The following KDM4C variants were observed in gnomAD, a reference collection of about 807,000 sequenced individuals.
KDM4C encodes the protein lysine-specific demethylase 4C.
A neutral mutation model predicts 129.3 loss-of-function variants in KDM4C; 81 were observed. The ratio of observed to expected loss-of-function variants is 0.63; its 90% CI spans 0.52 to 0.75. The LOEUF is 0.75. Among genes scored for constraint, KDM4C ranks in the 30% least tolerant of loss-of-function variants. The pLI is 0.00. For synonymous variants in KDM4C, 573 were observed against 456.1 expected (o/e 1.26, Z -3.26); for missense variants, 1,457 against 1,304.0 (o/e 1.12, Z -1.81).
rs1317937058 is a variant in KDM4C at position 6,758,583 on chromosome 9, C to G, written c.-18+380C>G. The stretch of plus-strand genomic sequence containing the variant: ...GTGGCGGACTCCAGGAAGGCCGGGC[C>G]TGGTGCACCCCTCGGGGCCCTCCCT... On this transcript the variant is annotated intron_variant, in intron 1 of 21. Transcript: ENST00000381309. The surrounding 1 kb of genome is among the most constrained non-coding windows in gnomAD (Gnocchi z 4.6). 6.6e-6 allele frequency among the ~76,000 whole-genome samples: 1 copy of G among 152,204 alleles called. No individual in the cohort carries two copies. The highest frequency in any genetic ancestry group is 1.9e-4 in the East Asian group (1 of 5,190).
chr9:6,763,305 CT>C lies in KDM4C; in HGVS notation c.-18+5103del, dbSNP rs367625970. 2.6e-3 allele frequency among the ~76,000 whole-genome samples: 392 copies of C among 152,274 alleles called. 3 individuals carry two copies. Among genetic ancestry groups the C allele is most frequent in the African/African-American group, 8.9e-3 (369 of 41,556 alleles). The stretch of plus-strand genomic sequence containing the variant: ...GGTACTCTGCCCATGCTGTTGTTCC[CT>C]GTGCCTGGACTGCTACCCCAGTTGC... On this transcript the variant is annotated intron_variant, in intron 1 of 21. Coordinates refer to ENST00000381309, the MANE Select transcript of KDM4C (RefSeq NM_015061.6).
At chr9:6,995,901 C>T (rs949237650) in intron 12 of KDM4C, among the ~76,000 whole-genome samples, 1 of 150,312 alleles carries the variant, frequency 6.7e-6, no homozygotes, top group Non-Finnish European at 1.5e-5. Context: ...TCGATCTGAC[C>T]TCGTGATCTG....
In KDM4C at chr9:6,807,109, C is replaced by G. The variant is rs753335391; in HGVS notation, c.320+1335C>G. Among the ~76,000 whole-genome samples, 1,288 of 152,028 alleles carry G rather than the reference C, an allele frequency of 8.5e-3. 11 individuals carry two copies. The highest frequency in any genetic ancestry group is 0.014 in the South Asian group (68 of 4,826). On this transcript the variant is annotated intron_variant, in intron 3 of 21. Transcript: ENST00000381309. ...TTCGCTGTGTTGGCCGGGCCGGTCT[C>G]CAGCCCCTAACCGCGAGTGATCCGC...
chr9:7,008,765 A>T (rs1053483863), intron 12 of KDM4C, among the ~76,000 whole-genome samples: 1 of 152,190 alleles, frequency 6.6e-6, no homozygotes, highest in East Asian at 1.9e-4. Flanking sequence ...CAACCCCATG[A>T]ACCCAGGTAC....
At chr9:6,759,847 A>C (rs1411376651) in intron 1 of KDM4C, among the ~76,000 whole-genome samples, 1 of 151,710 alleles carries the variant, frequency 6.6e-6, no homozygotes, top group South Asian at 2.1e-4. Context: ...CAGCTGAGGC[A>C]AGAGAATCAC....
intron 19 of KDM4C, among the ~76,000 whole-genome samples, chr9:7,133,145 A>G (rs906090611): frequency 3.3e-5 from 5 of 152,230 alleles, no homozygotes; most frequent in African/African-American, 4.8e-5. Flanking sequence ...TGAAAGGAGC[A>G]AATAAACTAA....
chr9:6,891,284 A>G (rs973891337), intron 7 of KDM4C, among the ~76,000 whole-genome samples: 2 of 152,244 alleles, frequency 1.3e-5, no homozygotes, highest in Non-Finnish European at 2.9e-5. Context: ...TGAATAAATA[A>G]GCAAGTGTGA....
intron 12 of KDM4C, among the ~76,000 whole-genome samples, chr9:7,000,731 C>G (rs750975697): frequency 1.3e-5 from 2 of 152,024 alleles, no homozygotes; most frequent in African/African-American, 2.4e-5. Flanking sequence ...TTTTTTCAAC[C>G]TGAACGCCAG....
At chr9:6,996,371 G>T (rs1055083834) in intron 12 of KDM4C, among the ~76,000 whole-genome samples, 64 of 152,282 alleles carry the variant, frequency 4.2e-4, no homozygotes, top group African/African-American at 1.5e-3. Context: ...ATGGTGCATT[G>T]TTTGTTCTTT....
intron 15 of KDM4C, among the ~76,000 whole-genome samples, chr9:7,035,554 A>G (rs1575452): frequency 0.074 from 11,266 of 151,774 alleles, 685 homozygotes; most frequent in African/African-American, 0.16. Context: ...TCATAAAATC[A>G]TTTCCCAGAC....
intron 5 of KDM4C, among the ~76,000 whole-genome samples, chr9:6,864,893 A>G (rs1040956276): frequency 6.6e-6 from 1 of 150,826 alleles, no homozygotes; most frequent in African/African-American, 2.4e-5. Context: ...TGCTTGATCA[A>G]TTCTGCTGTT....
At chr9:6,842,863 C>T (rs1268181775) in intron 4 of KDM4C, among the ~76,000 whole-genome samples, 3 of 152,138 alleles carry the variant, frequency 2.0e-5, no homozygotes, top group Non-Finnish European at 2.9e-5. Flanking sequence ...CTTTGGGCAC[C>T]TGAGTTTGTA....
At chr9:6,975,308 C>T (rs570719899) in intron 8 of KDM4C, among the ~76,000 whole-genome samples, 1 of 152,186 alleles carries the variant, frequency 6.6e-6, no homozygotes, top group South Asian at 2.1e-4. Context: ...ATAATGAGTC[C>T]CGGACATTTA....
At chr9:6,753,740 G>A (rs1818148125), upstream of KDM4C, among the ~76,000 whole-genome samples, 1 of 152,072 alleles carries the variant, frequency 6.6e-6, no homozygotes, top group Non-Finnish European at 1.5e-5. Context: ...TGCAGTTACG[G>A]CATTAATTCA....
At position 7,031,688 on chromosome 9, in the gene KDM4C, A is replaced by ATG. The variant is rs150564790; in HGVS notation, c.2260-15160_2260-15159dup. 6.0e-3 allele frequency among the ~76,000 whole-genome samples: 903 copies of ATG among 151,312 alleles called. 5 individuals carry two copies. The highest frequency in any genetic ancestry group is 0.019 in the African/African-American group (768 of 41,284). ...ATTTTATATATATATGTGTGTGTGT[A>ATG]TGTGTGTGTGTGTGTATAAAATATT... On this transcript the variant is annotated intron_variant, in intron 15 of 21. Transcript: ENST00000381309.
intron 15 of KDM4C, among the ~76,000 whole-genome samples, chr9:7,042,722 T>A (rs1010621903): frequency 1.8e-4 from 27 of 152,098 alleles, no homozygotes; most frequent in Non-Finnish European, 3.5e-4. Flanking sequence ...TTTTGCACTC[T>A]ACTTTGATAC....
At chr9:6,865,972 C>G (rs929695500) in intron 5 of KDM4C, among the ~76,000 whole-genome samples, 76 of 152,116 alleles carry the variant, frequency 5.0e-4, no homozygotes, top group Non-Finnish European at 1.2e-4. Context: ...CCAGGATGGT[C>G]TCGATCTCCT....
chr9:6,793,071 A>G lies in KDM4C; in HGVS notation c.83A>G (p.Glu28Gly), dbSNP rs200043619. ...AGACCCTCCATGGAGGAGTTCCGGG[A>G]GTTCAACAAATACCTTGCATACATG... ...TFRPSMEEFR[E>G]FNKYLAYMES... is the part of the protein sequence containing the mutation. The change falls in exon 2 of 22, where the codon GAG becomes GGG. Residue 28 changes from glutamate (E) to glycine (G), a missense_variant. Physicochemically the swap from Glu to Gly is moderately conservative, Grantham distance 98 (BLOSUM62 -2). Transcript: ENST00000381309. The G allele has an allele frequency of 2.5e-6, 4 of 1,614,116 alleles. No individual in the cohort carries two copies. Among genetic ancestry groups the G allele is most frequent in the Non-Finnish European group, 3.4e-6 (4 of 1,180,006 alleles).
chr9:6,863,777 C>G (rs1467968092), intron 5 of KDM4C, among the ~76,000 whole-genome samples: 9 of 135,294 alleles, frequency 6.7e-5, no homozygotes, highest in Non-Finnish European at 9.2e-5. Flanking sequence ...CTGGGCGACA[C>G]AGCGAGACTC....
Sources: gnomAD v4.1 joint callset for allele counts (sites outside exome capture counted in the v4.1 genomes callset) on GRCh38, gnomAD v4.1.1 for gene constraint, Gnocchi (gnomAD v3.1) non-coding constraint, MANE v1.5 for transcripts, NCBI Gene and HGNC (gene_info 2026-07-23, HGNC 2026-07-21) for gene names.